The following SULT1A1 variants were observed in gnomAD, a reference collection of about 807,000 sequenced individuals.
SULT1A1 encodes sulfotransferase 1A1.
SULT1A1 carries 35 observed loss-of-function variants against 36.8 expected under a neutral mutation model. The observed-to-expected ratio is 0.95, with a 90% CI of 0.73 to 1.26. The LOEUF (loss-of-function observed/expected upper bound fraction) is 1.26. Among genes scored for constraint, SULT1A1 ranks in the 50% most tolerant of loss-of-function variants. The probability of loss-of-function intolerance (pLI) is 0.00; values close to 1 mark genes in which losing one functional copy is unlikely to be tolerated. For synonymous variants in SULT1A1, 119 were observed against 146.0 expected, an observed-to-expected ratio of 0.82 and a Z score of 1.33; for missense variants, 309 against 383.0, an observed-to-expected ratio of 0.81 and a Z score of 1.61.
At chr16:28,614,306 C>T (rs990106186), upstream of SULT1A1, 9 of 133,122 alleles carry the variant, frequency 6.8e-5, no homozygotes, top group African/African-American at 2.4e-4. Context: ...GTCTCCCCGT[C>T]ATGCTCCTCC....
chr16:28,623,205 GGCGCTCGGCCCGGGAGCGC>G (rs2047693307), exon 1 of SULT1A1: 2 of 1,546,832 alleles, frequency 1.3e-6, no homozygotes, highest in Admixed American at 2.0e-5. Flanking sequence ...CATGGCGCGC[GGCGCTCGGCCCGGGAGCGC>G]GCGCTCCAGC....
At chr16:28,617,081 T>C (rs2047561460) in intron 2 of SULT1A1, among the ~76,000 whole-genome samples, 2 of 152,022 alleles carry the variant, frequency 1.3e-5, no homozygotes, top group Admixed American at 1.3e-4. Flanking sequence ...AGTGGTACAA[T>C]CATAGCTTAC....
intron 1 of SULT1A1, among the ~76,000 whole-genome samples, chr16:28,621,339 G>A (rs1488521886): frequency 4.6e-5 from 7 of 151,402 alleles, no homozygotes; most frequent in South Asian, 2.1e-4. Context: ...AAAATTAGCC[G>A]GGCATGGTGG....
Position 28,623,335 on chromosome 16 carries a change from G to C in SULT1A1, c.-138C>G, listed in dbSNP as rs2047696184. On this transcript the variant is annotated 5_prime_UTR_variant, in exon 1 of 6. Transcript: ENST00000350842. ...TCGGCCTAGCGGCCCTGCAGCCGTT[G>C]CTGCAGCACGTCCCCGGCGGAGACG... 2.7e-6 allele frequency: 4 copies of C among 1,509,192 alleles called. No homozygotes were observed. The East Asian group carries it at 9.9e-5, about 37-fold the overall frequency. The allele number at this position is 1,509,192 out of a possible 1,614,324, so 93.5% of individuals were successfully genotyped here. A position where few individuals can be genotyped will look rare whatever the true frequency, so the allele number is the denominator to read the frequency against.
chr16:28,610,264 G>GTGTTT, upstream of SULT1A1: 1 of 346,648 alleles, frequency 2.9e-6, no homozygotes, highest in Non-Finnish European at 4.3e-6. Flanking sequence ...TTTTTTTTCT[G>GTGTTT]TTTTTTTTTT....
chr16:28,623,200 C>T (rs536585393), exon 1 of SULT1A1: 37 of 1,546,500 alleles, frequency 2.4e-5, no homozygotes, highest in Middle Eastern at 3.5e-4. Flanking sequence ...GCCAGCATGG[C>T]GCGCGGCGCT....
chr16:28,614,620 C>T (rs973064232), upstream of SULT1A1: 2 of 130,534 alleles, frequency 1.5e-5, no homozygotes, highest in African/African-American at 5.2e-5. Flanking sequence ...GGGGTTTCAC[C>T]ATGTTGGTCA....
At chr16:28,610,180 C>A (rs561116834), upstream of SULT1A1, 2 of 1,283,602 alleles carry the variant, frequency 1.6e-6, no homozygotes, top group African/African-American at 3.1e-5. Context: ...TCCAAAGCCA[C>A]GACTGAGTTT....
chr16:28,607,243 C>G, intron 4 of SULT1A1, 166 bp from the exon 5 acceptor site: 1 of 1,260,670 alleles, frequency 7.9e-7, no homozygotes, highest in East Asian at 2.4e-5. Flanking sequence ...TGCTCAGAAG[C>G]CAAAGTCCTG....
At chr16:28,610,150 G>C, upstream of SULT1A1, 1 of 1,285,802 alleles carries the variant, frequency 7.8e-7, no homozygotes, top group Middle Eastern at 3.0e-4. Flanking sequence ...GTGCCAGCTG[G>C]AGACAAGCTT....
At chr16:28,609,126 C>T (rs1256920641) in intron 1 of SULT1A1, 56 of 1,418,570 alleles carry the variant, frequency 3.9e-5, no homozygotes, top group Non-Finnish European at 4.9e-5. Flanking sequence ...AGTGAAAGCA[C>T]CCTCGTCGGG....
intron 1 of SULT1A1, among the ~76,000 whole-genome samples, chr16:28,620,563 CAAAA>C (rs5816469): frequency 7.7e-5 from 7 of 90,822 alleles, no homozygotes; most frequent in East Asian, 6.6e-4. Context: ...GACCCTGTCT[CAAAA>C]AAAAAAAAAA....
At chr16:28,623,242 G>C in exon 1 of SULT1A1, 1 of 1,544,938 alleles carries the variant, frequency 6.5e-7, no homozygotes, top group Non-Finnish European at 8.7e-7. Context: ...AGCAGGCCCA[G>C]CCACACGTAG....
At chr16:28,609,821 G>C in intron 1 of SULT1A1, 110 bp downstream of exon 1, 1 of 1,117,760 alleles carries the variant, frequency 8.9e-7, no homozygotes, top group South Asian at 1.5e-5. Flanking sequence ...TCTGAAATGG[G>C]ATATCCATGG....
chr16:28,610,260 TTC>T (rs1491010958), upstream of SULT1A1: 50 of 1,107,932 alleles, frequency 4.5e-5, no homozygotes, highest in Admixed American at 6.4e-4. Context: ...GGTTTTTTTT[TTC>T]TGTTTTTTTT....
intron 4 of SULT1A1, chr16:28,607,621 A>ATTTT (rs375331586): frequency 7.8e-5 from 1 of 12,798 alleles, no homozygotes; most frequent in African/African-American, 1.5e-4. Context: ...ATTTTATTTT[A>ATTTT]TTTTATTTAT....
chr16:28,609,030 A>G (rs1039164933), intron 1 of SULT1A1, 171 bp from the exon 2 acceptor site: 1 of 1,510,290 alleles, frequency 6.6e-7, no homozygotes, highest in African/African-American at 1.4e-5. Context: ...GTCGGGCTCT[A>G]ATGCGGTGGT....
In SULT1A1 at chr16:28,605,887, C is replaced by T. The variant is rs758099719; in HGVS notation, c.822G>A (p.Glu274=). 1.2e-6 allele frequency: 2 copies of T among 1,609,516 alleles called. No individual in the cohort carries two copies. The highest frequency in any genetic ancestry group is 1.7e-6 in the Non-Finnish European group (2 of 1,178,060). Residue 274 remains glutamate (E), a synonymous_variant, in exon 8 of 8, where the codon GAG becomes GAA. Transcript: ENST00000314752. ...TCTCCGCATAGTCCGCATCGAAGCG[C>T]TCATTCTGCGCCACGGTGAAGGTGG... ...WKTTFTVAQN[E]RFDADYAEKM...
At chr16:28,606,681 G>A (rs1242749276) in intron 6 of SULT1A1, 80 bp downstream of exon 6, 2 of 1,575,010 alleles carry the variant, frequency 1.3e-6, no homozygotes, top group Non-Finnish European at 1.7e-6. Flanking sequence ...CCAGGGAGGG[G>A]GCTGGGTGGC....
Sources: allele counts gnomAD v4.1 joint callset (sites outside exome capture counted in the v4.1 genomes callset), GRCh38; gene constraint gnomAD v4.1.1; transcripts MANE v1.5; gene names NCBI Gene and HGNC (gene_info 2026-07-23, HGNC 2026-07-21).